Variants in SPACA3 observed in about 807,000 individuals in gnomAD.
SPACA3 encodes the protein sperm acrosome membrane-associated protein 3.
A neutral mutation model predicts 24.5 loss-of-function variants in SPACA3; 21 were observed. The ratio of observed to expected loss-of-function variants is 0.86; its 90% CI spans 0.61 to 1.24. SPACA3 has a LOEUF of 1.24. SPACA3 is among the 50% of genes most tolerant of loss of function. The pLI is 0.00. For synonymous variants in SPACA3, 115 were observed against 106.9 expected, an observed-to-expected ratio of 1.08 and a Z score of -0.47; for missense variants, 278 against 275.5, an observed-to-expected ratio of 1.01 and a Z score of -0.06.
chr17:32,992,698 G>A (rs900715447), intron 1 of SPACA3, among the ~76,000 whole-genome samples: 2 of 152,188 alleles, frequency 1.3e-5, no homozygotes, highest in Admixed American at 6.5e-5. Context: ...CTTCAAGTAT[G>A]AGTCAGAGTT....
intron 2 of SPACA3, among the ~76,000 whole-genome samples, chr17:32,996,463 T>C (rs1306575437): frequency 7.3e-6 from 1 of 136,470 alleles, no homozygotes; most frequent in Non-Finnish European, 1.5e-5. Context: ...CACTGCAGCC[T>C]GGGCAACAGA....
rs1398704694 is a variant in SPACA3 at position 32,992,497 on chromosome 17, CTGCAGATAAATAAGACA to C, written c.34+542_34+558del. Reference sequence around the variant, plus strand: ...GAGCAGCTACTCCATGCCAGCAACTCTGCAGATAAATAAGACATGCAGATAAATAAGACCAGCCGCCG... The same window carrying C: ...GAGCAGCTACTCCATGCCAGCAACTCTGCAGATAAATAAGACCAGCCGCCG... On this transcript the variant is annotated intron_variant, in intron 1 of 4. Coordinates refer to ENST00000269053, the MANE Select transcript of SPACA3 (RefSeq NM_173847.5). 3.3e-5 allele frequency among the ~76,000 whole-genome samples: 5 copies of C among 152,332 alleles called. No homozygotes were observed. The South Asian group carries it at 6.2e-4, about 19-fold the overall frequency.
rs749459989 is a variant in SPACA3, at chr17:32,991,922, C to T, written c.-17C>T. 1.5e-5 allele frequency: 24 copies of T among 1,614,018 alleles called. No homozygotes were observed. The South Asian group carries it at 1.8e-4, about 12-fold the overall frequency. On this transcript the variant is annotated 5_prime_UTR_variant, in exon 1 of 5. Coordinates refer to ENST00000269053, the MANE Select transcript of SPACA3 (RefSeq NM_173847.5). ...GAAGCAGGGTTTTGAGCCACTGCTG[C>T]TGCTGCCATTGTCACCATGGTCTCA...
chr17:32,997,442 C>A lies in SPACA3; in HGVS notation c.503-3C>A. 6.2e-7 allele frequency: 1 copy of A among 1,613,670 alleles called. No homozygotes were observed. Among genetic ancestry groups the A allele is most frequent in the Non-Finnish European group, 8.5e-7 (1 of 1,179,732 alleles). Reference sequence around the variant, plus strand: ...CATTGTGTTTCTCTGCCTATCACCCCAGATTTGTTGAATCCTAATCTCAAG... The same window carrying A: ...CATTGTGTTTCTCTGCCTATCACCCAAGATTTGTTGAATCCTAATCTCAAG... On this transcript the variant is annotated splice_polypyrimidine_tract_variant and splice_region_variant and intron_variant, in intron 3 of 4. Transcript: ENST00000269053.
intron 1 of SPACA3, among the ~76,000 whole-genome samples, chr17:32,993,695 G>A (rs7224994): frequency 0.51 from 76,984 of 151,634 alleles, 19,866 homozygotes; most frequent in Middle Eastern, 0.62. Context: ...AGAAAGTGGC[G>A]ATTTTCCCCA....
Position 32,997,523 on chromosome 17 carries a change from GGTAA to G in SPACA3, c.581+5_581+8del, listed in dbSNP as rs1321407938. 1.2e-6 allele frequency: 2 copies of G among 1,613,176 alleles called. No homozygotes were observed. The highest frequency in any genetic ancestry group is 1.7e-5 in the Admixed American group (1 of 59,994). ...CAAGAGCCTCAGGGTCTGGGTTACTGGTAAGTAACTTGGGCTGGAGCCCCGCAGC... is the reference window on the plus strand; with the variant it reads ...CAAGAGCCTCAGGGTCTGGGTTACTGGTAACTTGGGCTGGAGCCCCGCAGC... On this transcript the variant is annotated splice_donor_variant and splice_donor_region_variant and intron_variant, in intron 4 of 4. Coordinates refer to ENST00000269053, the MANE Select transcript of SPACA3 (RefSeq NM_173847.5). LOFTEE classifies it high-confidence loss of function.
chr17:32,995,364 A>T (rs377391475), intron 1 of SPACA3, 45 bp from the exon 2 acceptor site: 96 of 1,540,414 alleles, frequency 6.2e-5, no homozygotes, highest in Non-Finnish European at 8.0e-5. Flanking sequence ...GTGCTGCTGG[A>T]GCCTGGCCTT....
Position 32,995,426 on chromosome 17 carries a change from G to C in SPACA3, c.52G>C (p.Val18Leu). Residue 18 changes from valine to leucine, a missense_variant, in exon 2 of 5, where the codon GTT (valine) becomes CTT (leucine). Transcript: ENST00000269053. ...TTTCCCAGGGGTGCACTCAAGCCCT[G>C]TTTCTTCTCCTTCTGTGAGTGGACC... ...APLIRVHSSPVSSPSVSGPRR... is the reference protein window; with the variant it reads ...APLIRVHSSPLSSPSVSGPRR... 1 of 1,604,678 alleles carries C rather than the reference G, an allele frequency of 6.2e-7. No individual in the cohort carries two copies. Among genetic ancestry groups the C allele is most frequent in the African/African-American group, 1.3e-5 (1 of 74,888 alleles).
chr17:32,994,143 T>C (rs2091708363), intron 1 of SPACA3, among the ~76,000 whole-genome samples: 1 of 151,840 alleles, frequency 6.6e-6, no homozygotes, highest in Non-Finnish European at 1.5e-5. Flanking sequence ...ATACTGAGGG[T>C]TTTCATTTCC....
chr17:32,992,186 C>CAAAAAAAAAAAAA (rs10591674), intron 1 of SPACA3, among the ~76,000 whole-genome samples: 1 of 113,566 alleles, frequency 8.8e-6, no homozygotes. Context: ...CACTTTTCTA[C>CAAAAAAAAAAAAA]AAAAAAAAAA....
At chr17:32,997,562 G>A (rs1276409568) in intron 4 of SPACA3, 39 bp downstream of exon 4, 3 of 1,588,420 alleles carry the variant, frequency 1.9e-6, no homozygotes, top group South Asian at 1.1e-5. Flanking sequence ...CGGTGGTATG[G>A]TTAGGACTGG....
chr17:32,997,668 T>G (rs778953739), intron 4 of SPACA3, 44 bp from the exon 5 acceptor site: 2 of 1,602,732 alleles, frequency 1.2e-6, no homozygotes, highest in South Asian at 2.2e-5. Flanking sequence ...GACTGGCAAC[T>G]GCAGCTGATA....
At position 32,991,953 on chromosome 17, in the gene SPACA3, G is replaced by GCGGGGAGCACCCCTGAT; in HGVS notation, c.17_33dup (p.Arg12GlyfsTer5). 6.2e-7 allele frequency: 1 copy of GCGGGGAGCACCCCTGAT among 1,614,000 alleles called. No individual in the cohort carries two copies. The highest frequency in any genetic ancestry group is 8.5e-7 in the Non-Finnish European group (1 of 1,179,974). On this transcript the variant is annotated frameshift_variant, in exon 1 of 5. Transcript: ENST00000269053. LOFTEE classifies it high-confidence loss of function. ...CCATTGTCACCATGGTCTCAGCTCTGCGGGGAGCACCCCTGATCAGTGAGC... is the reference window on the plus strand; with the variant it reads ...CCATTGTCACCATGGTCTCAGCTCTGCGGGGAGCACCCCTGATCGGGGAGCACCCCTGATCAGTGAGC...
rs1434913245 is a variant in SPACA3, at chr17:32,995,686, G to A, written c.312G>A (p.Leu104=). 2 of 1,614,078 alleles carry A rather than the reference G, an allele frequency of 1.2e-6. No individual in the cohort carries two copies. Among genetic ancestry groups the A allele is most frequent in the East Asian group, 2.2e-5 (1 of 44,882 alleles). The stretch of plus-strand genomic sequence containing the variant: ...CCAGAGTGCTACATGACTTCGGGCT[G>A]GACGGATACCGGGGATACAGCCTGG... ...ELARVLHDFG[L]DGYRGYSLAD... Residue 104 remains leucine, a synonymous_variant, in exon 2 of 5, where the codon CTG becomes CTA. Coordinates refer to ENST00000269053, the MANE Select transcript of SPACA3 (RefSeq NM_173847.5).
At chr17:32,992,328 G>A (rs2091694736) in intron 1 of SPACA3, among the ~76,000 whole-genome samples, 1 of 152,122 alleles carries the variant, frequency 6.6e-6, no homozygotes, top group Non-Finnish European at 1.5e-5. Flanking sequence ...AAAGCTCTGG[G>A]AAAGGCCTGG....
At chr17:32,994,474 C>T (rs940001184) in intron 1 of SPACA3, among the ~76,000 whole-genome samples, 2 of 152,120 alleles carry the variant, frequency 1.3e-5, no homozygotes, top group Non-Finnish European at 2.9e-5. Flanking sequence ...TTCAAGGTCC[C>T]GTGGAGGTTG....
chr17:32,993,847 G>A (rs1043899920), intron 1 of SPACA3, among the ~76,000 whole-genome samples: 9 of 152,030 alleles, frequency 5.9e-5, no homozygotes, highest in East Asian at 1.9e-4. Flanking sequence ...GTGCTAGCGC[G>A]CCGGGAGAGG....
chr17:32,991,959 A>G lies in SPACA3; in HGVS notation c.21A>G (p.Gly7=). 1 of 1,613,782 alleles carries G rather than the reference A, an allele frequency of 6.2e-7. No individual in the cohort carries two copies. The highest frequency in any genetic ancestry group is 8.5e-7 in the Non-Finnish European group (1 of 1,179,948). The change falls in exon 1 of 5, where the codon GGA becomes GGG. Residue 7 remains glycine (G), a synonymous_variant. Coordinates refer to ENST00000269053, the MANE Select transcript of SPACA3 (RefSeq NM_173847.5). MVSALR[G]APLIRVHSSP... ...TCACCATGGTCTCAGCTCTGCGGGG[A>G]GCACCCCTGATCAGTGAGCCCCCTT...
intron 2 of SPACA3, 155 bp from the exon 3 acceptor site, chr17:32,996,688 A>G (rs1479069130): frequency 3.0e-6 from 2 of 674,242 alleles, no homozygotes; most frequent in East Asian, 3.6e-5. Flanking sequence ...GCCTCGATTG[A>G]TTGGTTTGCA....
Sources: gnomAD v4.1 joint callset for allele counts (sites outside exome capture counted in the v4.1 genomes callset) on GRCh38, gnomAD v4.1.1 for gene constraint, MANE v1.5 for transcripts, NCBI Gene and HGNC (gene_info 2026-07-23, HGNC 2026-07-21) for gene names.